The following TRIB1 variants were observed in gnomAD, a reference collection of about 807,000 sequenced individuals.
The protein encoded by TRIB1 is tribbles pseudokinase 1, also known as tribbles homolog 1.
Under a neutral mutation model 27.8 loss-of-function variants are expected in TRIB1, and 12 were observed. That is an observed-to-expected ratio of 0.43 (90% CI 0.28 to 0.70). TRIB1 has a LOEUF of 0.70. Ranked by LOEUF, TRIB1 falls within the 30% of genes least tolerant of loss-of-function variation. The pLI is 0.18. For missense variants in TRIB1, 475 were observed against 515.8 expected (o/e 0.92, Z 0.77); for synonymous variants, 230 against 224.9 (o/e 1.02, Z -0.20).
Position 125,436,871 on chromosome 8 carries a change from C to A in TRIB1, c.*400C>A, listed in dbSNP as rs1384662882. The A allele has an allele frequency of 1.8e-5, 4 of 216,932 alleles. No homozygotes were observed. Among genetic ancestry groups the A allele is most frequent in the Admixed American group, 5.3e-5 (1 of 19,018 alleles). 13.4% of individuals were successfully genotyped at this position (216,932 alleles called of 1,614,324 possible). On this transcript the variant is annotated 3_prime_UTR_variant, in exon 3 of 3. Transcript: ENST00000311922. Reference sequence around the variant, plus strand: ...AATAACCGTATTTTTCACAGGGTGACAAATTGGGCCAATAAATCTGCCATC... The same window carrying A: ...AATAACCGTATTTTTCACAGGGTGAAAAATTGGGCCAATAAATCTGCCATC...
Position 125,436,559 on chromosome 8 carries a change from A to G in TRIB1, c.*88A>G, listed in dbSNP as rs1814755352. 3 of 1,265,608 alleles carry G rather than the reference A, an allele frequency of 2.4e-6. No individual in the cohort carries two copies. The African/African-American group carries it at 4.5e-5, about 19-fold the overall frequency. The allele number at this position is 1,265,608 out of a possible 1,614,324, so 78.4% of individuals were successfully genotyped here. On this transcript the variant is annotated 3_prime_UTR_variant, in exon 3 of 3. Coordinates refer to ENST00000311922, the MANE Select transcript of TRIB1 (RefSeq NM_025195.4). ...CAGGCCCTTTGGCGTGGTACCAACC[A>G]GATAATGACTGCATCAGGATGAAAG...
intron 1 of TRIB1, chr8:125,432,220 C>T: frequency 1.0e-6 from 1 of 984,994 alleles, no homozygotes; most frequent in Non-Finnish European, 1.2e-6. Context: ...TACTGCCCAA[C>T]CCGAATGAAA....
At position 125,433,597 on chromosome 8, in the gene TRIB1, C is replaced by G; in HGVS notation, c.641C>G (p.Ser214Cys). The G allele has an allele frequency of 2.5e-6, 4 of 1,607,490 alleles. No homozygotes were observed. Among genetic ancestry groups the G allele is most frequent in the Non-Finnish European group, 3.4e-6 (4 of 1,175,202 alleles). The change falls in exon 2 of 3, where the codon TCC becomes TGC. Residue 214 changes from serine to cysteine, a missense_variant. Transcript: ENST00000311922. The surrounding 1 kb of genome is among the most constrained non-coding windows in gnomAD (Gnocchi z 4.4). ...GDLKLRKFVF[S>C]TEERTQLRLE... The stretch of plus-strand genomic sequence containing the variant: ...CTGAAGCTTAGGAAGTTCGTCTTCT[C>G]CACGGAGGAGAGGTGAGCGGCCGCC...
At chr8:125,434,521 G>A (rs1294362132) in intron 2 of TRIB1, among the ~76,000 whole-genome samples, 3 of 152,184 alleles carry the variant, frequency 2.0e-5, no homozygotes, top group African/African-American at 2.4e-5. Context: ...ATCTGACCTC[G>A]CAATAATTAT....
At position 125,430,856 on chromosome 8, in the gene TRIB1, C is replaced by T; in HGVS notation, c.-47C>T. On this transcript the variant is annotated 5_prime_UTR_variant, in exon 1 of 3. Coordinates refer to ENST00000311922, the MANE Select transcript of TRIB1 (RefSeq NM_025195.4). ...ACCAAACCCGCAGCGTCTTCCCGCGCGGATCCCGGGACTTAAAAAGCCGGG... is the reference window on the plus strand; with the variant it reads ...ACCAAACCCGCAGCGTCTTCCCGCGTGGATCCCGGGACTTAAAAAGCCGGG... 7.3e-7 allele frequency: 1 copy of T among 1,365,828 alleles called. No individual in the cohort carries two copies. Among genetic ancestry groups the T allele is most frequent in the South Asian group, 1.7e-5 (1 of 59,278 alleles). The allele number at this position is 1,365,828 out of a possible 1,614,324, so 84.6% of individuals were successfully genotyped here.
chr8:125,432,702 T>C (rs1226721396), intron 1 of TRIB1, among the ~76,000 whole-genome samples: 1 of 152,186 alleles, frequency 6.6e-6, no homozygotes, highest in Non-Finnish European at 1.5e-5. Context: ...AACTCAAGGC[T>C]GCTTACACTT....
rs201007491 is a variant in TRIB1 at position 125,436,372 on chromosome 8, C to T, written c.1020C>T (p.Ser340=). The T allele has an allele frequency of 2.0e-5, 33 of 1,613,838 alleles. No homozygotes were observed. In the Middle Eastern group the frequency reaches 6.6e-4, roughly 32 times the overall value. The stretch of plus-strand genomic sequence containing the variant: ...TCCTACTGCACCCCTGGTTTGAGTC[C>T]GTCTTGGAACCCGGGTACATCGACT... The part of the protein sequence containing the change: ...PEILLHPWFE[S]VLEPGYIDSE... Residue 340 remains serine, a synonymous_variant, in exon 3 of 3, where the codon TCC becomes TCT. Coordinates refer to ENST00000311922, the MANE Select transcript of TRIB1 (RefSeq NM_025195.4).
chr8:125,431,611 C>T (rs1396044047), intron 1 of TRIB1, among the ~76,000 whole-genome samples: 1 of 152,246 alleles, frequency 6.6e-6, no homozygotes, highest in Non-Finnish European at 1.5e-5. Flanking sequence ...TCTCCACCCC[C>T]CCTCCCCCGC....
chr8:125,432,276 A>C (rs1412119362), intron 1 of TRIB1: 54 of 971,984 alleles, frequency 5.6e-5, no homozygotes, highest in Middle Eastern at 5.3e-4. Context: ...GGAAAAAAAA[A>C]CCTTTTCTTC....
At position 125,433,910 on chromosome 8, in the gene TRIB1, C is replaced by T; in HGVS notation, c.653+301C>T. 2 of 398,150 alleles carry T rather than the reference C, an allele frequency of 5.0e-6. No homozygotes were observed. Among genetic ancestry groups the T allele is most frequent in the South Asian group, 3.9e-5 (1 of 25,350 alleles). 24.7% of individuals were successfully genotyped at this position (398,150 alleles called of 1,614,324 possible). Reference sequence around the variant, plus strand: ...CATTGTTGTCAGAAAGGTCAGTTGTCTGGGGTACAAATATTAAACTGCCCT... The same window carrying T: ...CATTGTTGTCAGAAAGGTCAGTTGTTTGGGGTACAAATATTAAACTGCCCT... On this transcript the variant is annotated intron_variant, in intron 2 of 2. Coordinates refer to ENST00000311922, the MANE Select transcript of TRIB1 (RefSeq NM_025195.4). The surrounding 1 kb of genome is among the most constrained non-coding windows in gnomAD (Gnocchi z 4.4).
Position 125,433,048 on chromosome 8 carries a change from A to G in TRIB1, c.361-269A>G, listed in dbSNP as rs928255521. On this transcript the variant is annotated intron_variant, in intron 1 of 2. Coordinates refer to ENST00000311922, the MANE Select transcript of TRIB1 (RefSeq NM_025195.4). The surrounding 1 kb of genome is among the most constrained non-coding windows in gnomAD (Gnocchi z 4.4). ...GAGCTGACAGAAGATGGGAACATGT[A>G]CAGGAGACAGTTCTTTCAAATCATC... The G allele has an allele frequency of 4.5e-6, 2 of 443,208 alleles. No individual in the cohort carries two copies. Among genetic ancestry groups the G allele is most frequent in the African/African-American group, 3.9e-5 (2 of 51,182 alleles). The allele number at this position is 443,208 out of a possible 1,614,324, so 27.5% of individuals were successfully genotyped here.
chr8:125,436,055 G>A lies in TRIB1; in HGVS notation c.703G>A (p.Glu235Lys), dbSNP rs1563825149. 1 of 1,613,980 alleles carries A rather than the reference G, an allele frequency of 6.2e-7. No homozygotes were observed. The highest frequency in any genetic ancestry group is 8.5e-7 in the Non-Finnish European group (1 of 1,180,024). Reference protein sequence around the residue: ...SLEDTHIMKGEDDALSDKHGC... With the variant: ...SLEDTHIMKGKDDALSDKHGC... Reference sequence around the variant, plus strand: ...AGAAGACACACACATAATGAAGGGGGAAGATGATGCTTTGTCAGACAAACA... The same window carrying A: ...AGAAGACACACACATAATGAAGGGGAAAGATGATGCTTTGTCAGACAAACA... Residue 235 changes from glutamate (E) to lysine (K), a missense_variant, in exon 3 of 3, where the codon GAA becomes AAA. Coordinates refer to ENST00000311922, the MANE Select transcript of TRIB1 (RefSeq NM_025195.4).
In TRIB1 at chr8:125,436,130, T is replaced by C; in HGVS notation, c.778T>C (p.Tyr260His). The change falls in exon 3 of 3, where the codon TAC becomes CAC. Residue 260 changes from tyrosine to histidine, a missense_variant. Transcript: ENST00000311922. ...TGAGATCCTCAACACCACTGGGACC[T>C]ACTCCGGAAAGGCTGCGGACGTTTG... The part of the protein sequence containing the change: ...SPEILNTTGT[Y>H]SGKAADVWSL... 16 of 1,614,178 alleles carry C rather than the reference T, an allele frequency of 9.9e-6. No homozygotes were observed. The highest frequency in any genetic ancestry group is 1.4e-5 in the Non-Finnish European group (16 of 1,180,036).
intron 1 of TRIB1, among the ~76,000 whole-genome samples, chr8:125,431,612 C>T (rs980350823): frequency 2.6e-5 from 4 of 152,352 alleles, no homozygotes; most frequent in South Asian, 2.1e-4. Flanking sequence ...CTCCACCCCC[C>T]CTCCCCCGCC....
At position 125,431,149 on chromosome 8, in the gene TRIB1, G is replaced by A. The variant is rs1399514169; in HGVS notation, c.247G>A (p.Gly83Arg). The A allele has an allele frequency of 1.5e-6, 2 of 1,311,322 alleles. No individual in the cohort carries two copies. Among genetic ancestry groups the A allele is most frequent in the Non-Finnish European group, 1.9e-6 (2 of 1,037,892 alleles). 81.2% of individuals were successfully genotyped at this position (1,311,322 alleles called of 1,614,324 possible). ...PAAPGAGGGS[G>R]SAPGPSRIAD... is the part of the protein sequence containing the mutation. ...CGCTCCGGGGGCCGGCGGAGGCTCCGGGAGCGCGCCGGGGCCCAGCCGCAT... is the reference window on the plus strand; with the variant it reads ...CGCTCCGGGGGCCGGCGGAGGCTCCAGGAGCGCGCCGGGGCCCAGCCGCAT... Residue 83 changes from glycine (G) to arginine (R), a missense_variant, in exon 1 of 3, where the codon GGG becomes AGG. By Grantham distance (125) the Gly-to-Arg change is moderately radical. Transcript: ENST00000311922.
At chr8:125,434,752 AGCACAGGT>A (rs1256002725) in intron 2 of TRIB1, among the ~76,000 whole-genome samples, 1 of 152,192 alleles carries the variant, frequency 6.6e-6, no homozygotes, top group Non-Finnish European at 1.5e-5. Context: ...TCGTGTAACC[AGCACAGGT>A]GCAGGGTTTT....
intron 2 of TRIB1, among the ~76,000 whole-genome samples, chr8:125,435,457 C>T (rs1304341091): frequency 3.9e-5 from 6 of 152,148 alleles, no homozygotes; most frequent in Non-Finnish European, 7.3e-5. Flanking sequence ...AAAGTTTGCT[C>T]TGTGTGCATG....
rs1293948324 is a variant in TRIB1 at position 125,436,080 on chromosome 8, A to G, written c.728A>G (p.His243Arg). 1 of 1,614,174 alleles carries G rather than the reference A, an allele frequency of 6.2e-7. No homozygotes were observed. The highest frequency in any genetic ancestry group is 1.1e-5 in the South Asian group (1 of 91,082). The change falls in exon 3 of 3, where the codon CAT (histidine) becomes CGT (arginine). Residue 243 changes from histidine (H) to arginine (R), a missense_variant. By Grantham distance (29) the His-to-Arg change is conservative. Transcript: ENST00000311922. ...KGEDDALSDK[H>R]GCPAYVSPEI... ...GAAGATGATGCTTTGTCAGACAAAC[A>G]TGGCTGCCCAGCCTACGTGAGCCCT... is the stretch of plus-strand genomic sequence containing the variant.
At chr8:125,434,164 T>A (rs907234374) in intron 2 of TRIB1, among the ~76,000 whole-genome samples, 1 of 152,170 alleles carries the variant, frequency 6.6e-6, no homozygotes, top group Non-Finnish European at 1.5e-5. Context: ...AATAGCCACA[T>A]TGAATAGTAA....
Sources: allele counts gnomAD v4.1 joint callset (sites outside exome capture counted in the v4.1 genomes callset), GRCh38; gene constraint gnomAD v4.1.1; non-coding constraint Gnocchi (gnomAD v3.1); transcripts MANE v1.5; gene names NCBI Gene and HGNC (gene_info 2026-07-23, HGNC 2026-07-21).